The following ATXN2 variants were observed in gnomAD, a reference collection of about 807,000 sequenced individuals.
ATXN2 encodes ataxin 2, also known as ataxin-2.
Under a neutral mutation model 138.6 loss-of-function variants are expected in ATXN2, and 37 were observed. That is an observed-to-expected ratio of 0.27 (90% CI 0.21 to 0.35). The LOEUF (loss-of-function observed/expected upper bound fraction) is 0.35. Among genes scored for constraint, ATXN2 ranks in the 10% least tolerant of loss-of-function variants. ATXN2 has a pLI of 1.00. For synonymous variants in ATXN2, 549 were observed against 543.7 expected, an observed-to-expected ratio of 1.01 and a Z score of -0.13; for missense variants, 1,216 against 1,480.3, an observed-to-expected ratio of 0.82 and a Z score of 2.93.
At chr12:111,562,134 A>AG (rs1371511508) in intron 1 of ATXN2, among the ~76,000 whole-genome samples, 2 of 151,910 alleles carry the variant, frequency 1.3e-5, no homozygotes, top group Non-Finnish European at 2.9e-5. Flanking sequence ...TTAAAAAAAA[A>AG]AAAAGAAAAT....
At chr12:111,594,801 TG>T (rs1566087852) in intron 1 of ATXN2, among the ~76,000 whole-genome samples, 1 of 151,998 alleles carries the variant, frequency 6.6e-6, no homozygotes, top group African/African-American at 2.4e-5. Context: ...CACTTTCAGA[TG>T]AAAAAGAAAG....
chr12:111,563,897 C>G (rs1260652040), intron 1 of ATXN2, among the ~76,000 whole-genome samples: 1 of 152,132 alleles, frequency 6.6e-6, no homozygotes, highest in Non-Finnish European at 1.5e-5. Context: ...CTGTTTTCAA[C>G]TCTCCAGTTT....
intron 14 of ATXN2, among the ~76,000 whole-genome samples, chr12:111,494,062 T>C (rs549670858): frequency 6.6e-5 from 10 of 151,870 alleles, no homozygotes; most frequent in Non-Finnish European, 1.2e-4. Flanking sequence ...TCCGAGTAGC[T>C]GGGATTACAG....
At position 111,597,762 on chromosome 12, in the gene ATXN2, G is replaced by T. The variant is rs756184525; in HGVS notation, c.251+1022C>A. On this transcript the variant is annotated intron_variant, in intron 1 of 24. Coordinates refer to ENST00000673436, the MANE Select transcript of ATXN2 (RefSeq NM_001372574.1). ...GTAAACACCCGCCTTTCTGCCTTCA[G>T]GAACCCGACCACGTCCCCTGCTGCA... 9.5e-5 allele frequency: 94 copies of T among 985,610 alleles called. 1 individual carries two copies. The highest frequency in any genetic ancestry group is 3.1e-4 in the South Asian group (23 of 75,028). The allele number at this position is 985,610 out of a possible 1,614,324, so 61.1% of individuals were successfully genotyped here. A position where few individuals can be genotyped will look rare whatever the true frequency, so the allele number is the denominator to read the frequency against.
At chr12:111,464,176 T>A (rs899033506) in intron 21 of ATXN2, among the ~76,000 whole-genome samples, 2 of 152,136 alleles carry the variant, frequency 1.3e-5, no homozygotes, top group African/African-American at 4.8e-5. Flanking sequence ...TTAAAAATCC[T>A]GGTAGGCATA....
intron 1 of ATXN2, among the ~76,000 whole-genome samples, chr12:111,564,037 CA>C (rs1228689240): frequency 6.6e-6 from 1 of 152,094 alleles, no homozygotes. Flanking sequence ...CCACATTAGA[CA>C]AAACAGTGTG....
At chr12:111,538,910 G>C (rs971092177) in intron 5 of ATXN2, among the ~76,000 whole-genome samples, 10 of 149,796 alleles carry the variant, frequency 6.7e-5, no homozygotes, top group African/African-American at 2.4e-4. Flanking sequence ...AAACTAACAA[G>C]AACAAGAAAA....
At chr12:111,507,009 C>T (rs1218553235) in intron 14 of ATXN2, among the ~76,000 whole-genome samples, 4 of 152,096 alleles carry the variant, frequency 2.6e-5, no homozygotes, top group African/African-American at 9.7e-5. Context: ...GATCTCGGCT[C>T]GCTACAACCT....
intron 23 of ATXN2, chr12:111,454,444 CAGG>C (rs938283476): frequency 3.9e-4 from 60 of 153,944 alleles, no homozygotes; most frequent in South Asian, 6.1e-4. Flanking sequence ...GCTGATGGAG[CAGG>C]AGGAGGAGGA....
In ATXN2 at chr12:111,598,990, C is replaced by CTGCTGT. The variant is rs1885105958; in HGVS notation, c.44_45insACAGCA (p.Gln27_Gln28dup). 7.0e-7 allele frequency: 1 copy of CTGCTGT among 1,430,222 alleles called. No individual in the cohort carries two copies. Among genetic ancestry groups the CTGCTGT allele is most frequent in the Non-Finnish European group, 9.3e-7 (1 of 1,079,412 alleles). 88.6% of individuals were successfully genotyped at this position (1,430,222 alleles called of 1,614,324 possible). ...GCTGCTGCTGCTGTTGCTGCTGCTGCTGCTGCTGCTGCTGCTGCTGCTGCT... is the reference window on the plus strand; with the variant it reads ...GCTGCTGCTGCTGTTGCTGCTGCTGCTGCTGTTGCTGCTGCTGCTGCTGCTGCTGCT... On this transcript the variant is annotated inframe_insertion, in exon 1 of 25. Coordinates refer to ENST00000673436, the MANE Select transcript of ATXN2 (RefSeq NM_001372574.1). This position sits in a 1 kb window ranked among gnomAD's most constrained non-coding sequence, Gnocchi z 4.5.
At chr12:111,485,990 C>T in intron 16 of ATXN2, 125 bp from the exon 17 acceptor site, 3 of 805,620 alleles carry the variant, frequency 3.7e-6, no homozygotes, top group Non-Finnish European at 5.3e-6. Flanking sequence ...TTATTGAAAA[C>T]AAAAACACAG....
At chr12:111,526,661 T>G (rs1229467659) in intron 5 of ATXN2, among the ~76,000 whole-genome samples, 1 of 152,164 alleles carries the variant, frequency 6.6e-6, no homozygotes, top group African/African-American at 2.4e-5. Flanking sequence ...CACCTTGGCC[T>G]CCCAAAGTGC....
chr12:111,521,565 C>T (rs906837549), intron 6 of ATXN2, among the ~76,000 whole-genome samples: 3 of 152,162 alleles, frequency 2.0e-5, no homozygotes, highest in Non-Finnish European at 4.4e-5. Context: ...CAGCATGAAA[C>T]GGTGAACAGG....
chr12:111,466,179 AAAATAAAAAAT>A (rs1876001611), intron 20 of ATXN2, among the ~76,000 whole-genome samples: 1 of 144,686 alleles, frequency 6.9e-6, no homozygotes, highest in Non-Finnish European at 1.5e-5. Context: ...AATTAAAAAA[AAAATAAAAAAT>A]AAATAAAAAA....
chr12:111,587,088 A>AAG (rs1448898246), intron 1 of ATXN2, among the ~76,000 whole-genome samples: 1 of 151,298 alleles, frequency 6.6e-6, no homozygotes, highest in African/African-American at 2.4e-5. Flanking sequence ...AAAAAAAAAA[A>AAG]AAAAAGAACT....
At chr12:111,507,465 C>T (rs932030808) in intron 14 of ATXN2, among the ~76,000 whole-genome samples, 1 of 151,810 alleles carries the variant, frequency 6.6e-6, no homozygotes, top group South Asian at 2.1e-4. Flanking sequence ...CATCTCCACC[C>T]GGCAGCCAAC....
chr12:111,549,135 AAC>A (rs907992945), intron 5 of ATXN2, among the ~76,000 whole-genome samples: 2 of 152,152 alleles, frequency 1.3e-5, no homozygotes, highest in Non-Finnish European at 2.9e-5. Context: ...ATTATAATTA[AAC>A]CAGGATCCCT....
At chr12:111,470,953 GA>G in intron 18 of ATXN2, 1 of 566,418 alleles carries the variant, frequency 1.8e-6, no homozygotes, top group Non-Finnish European at 3.1e-6. Flanking sequence ...TCCCAGCTGG[GA>G]TAATTCTGCT....
chr12:111,462,963 CATATATAT>C (rs371550351), intron 21 of ATXN2, among the ~76,000 whole-genome samples: 18 of 148,288 alleles, frequency 1.2e-4, no homozygotes, highest in African/African-American at 4.0e-4. Flanking sequence ...TACACACATA[CATATATAT>C]ATATATACAC....
Sources: gnomAD v4.1 joint callset for allele counts (sites outside exome capture counted in the v4.1 genomes callset) on GRCh38, gnomAD v4.1.1 for gene constraint, Gnocchi (gnomAD v3.1) non-coding constraint, MANE v1.5 for transcripts, NCBI Gene and HGNC (gene_info 2026-07-23, HGNC 2026-07-21) for gene names.